The following TLK2 variants were observed in gnomAD, a reference collection of about 807,000 sequenced individuals.
The protein encoded by TLK2 is tousled like kinase 2.
A neutral mutation model predicts 117.3 loss-of-function variants in TLK2; 6 were observed. That is an observed-to-expected ratio of 0.05 (90% CI 0.03 to 0.10). The LOEUF is 0.10. TLK2 is among the 10% of genes least tolerant of loss of function. TLK2 has a pLI of 1.00. For synonymous variants in TLK2, 257 were observed against 316.7 expected (o/e 0.81, Z 2.00); for missense variants, 299 against 901.2 (o/e 0.33, Z 8.56).
chr17:62,612,098 A>T, intron 21 of TLK2: 3 of 222,688 alleles, frequency 1.3e-5, no homozygotes, highest in East Asian at 9.3e-5. Flanking sequence ...TGTTGGTCTT[A>T]GTGCTTTGGG....
At chr17:62,479,389 C>T (rs1452104530) in intron 1 of TLK2, 99 bp downstream of exon 1, 1 of 153,280 alleles carries the variant, frequency 6.5e-6, no homozygotes, top group Non-Finnish European at 1.5e-5. Context: ...CTGGGCCCAG[C>T]TCGGGGCCGG....
At chr17:62,571,344 T>C (rs1042398835) in intron 11 of TLK2, among the ~76,000 whole-genome samples, 20 of 152,178 alleles carry the variant, frequency 1.3e-4, no homozygotes, top group African/African-American at 4.8e-4. Flanking sequence ...GTAAATGCTA[T>C]GTAAATAATT....
At chr17:62,500,597 A>C (rs927088132) in intron 2 of TLK2, among the ~76,000 whole-genome samples, 6 of 152,206 alleles carry the variant, frequency 3.9e-5, no homozygotes, top group African/African-American at 7.2e-5. Flanking sequence ...AAGGTTATAG[A>C]AGATTTGGAC....
At chr17:62,609,850 C>T (rs890952193) in intron 21 of TLK2, among the ~76,000 whole-genome samples, 3 of 152,164 alleles carry the variant, frequency 2.0e-5, no homozygotes, top group African/African-American at 7.2e-5. Context: ...CAGCGCTGTG[C>T]ACCTGTAATG....
rs1228799740 is a variant in TLK2 at position 62,552,260 on chromosome 17, A to T, written c.532-42A>T. 6 of 1,527,502 alleles carry T rather than the reference A, an allele frequency of 3.9e-6. No homozygotes were observed. In the Admixed American group the frequency reaches 1.1e-4, roughly 28 times the overall value. The allele number at this position is 1,527,502 out of a possible 1,614,324, so 94.6% of individuals were successfully genotyped here. On this transcript the variant is annotated intron_variant, in intron 7 of 21. Coordinates refer to ENST00000346027, the MANE Select transcript of TLK2 (RefSeq NM_006852.6). Reference sequence around the variant, plus strand: ...TTAATACAAGTGTTTGTGGAAAAAGATGCCAAACTTTCCTGTGATTGGTAA... The same window carrying T: ...TTAATACAAGTGTTTGTGGAAAAAGTTGCCAAACTTTCCTGTGATTGGTAA...
intron 2 of TLK2, among the ~76,000 whole-genome samples, chr17:62,505,647 T>C (rs548554414): frequency 6.6e-6 from 1 of 152,178 alleles, no homozygotes; most frequent in Admixed American, 6.5e-5. Flanking sequence ...TACACTGTTT[T>C]CAAATTTTTT....
intron 2 of TLK2, among the ~76,000 whole-genome samples, chr17:62,492,575 A>C (rs1252783963): frequency 7.2e-5 from 11 of 151,854 alleles, no homozygotes; most frequent in Middle Eastern, 3.4e-3. Context: ...CTCCTGCCTC[A>C]GCTTCCCGAG....
chr17:62,577,928 TC>T (rs2080929458), intron 13 of TLK2, among the ~76,000 whole-genome samples: 1 of 152,082 alleles, frequency 6.6e-6, no homozygotes, highest in Non-Finnish European at 1.5e-5. Flanking sequence ...GTACCTGTAA[TC>T]CCAGCTACTC....
At chr17:62,609,958 G>T (rs1411665164) in intron 21 of TLK2, among the ~76,000 whole-genome samples, 3 of 152,116 alleles carry the variant, frequency 2.0e-5, no homozygotes, top group Non-Finnish European at 4.4e-5. Context: ...TGGTTGTGAG[G>T]TTTAAGAGGA....
intron 2 of TLK2, among the ~76,000 whole-genome samples, chr17:62,514,579 CTTT>C (rs779645456): frequency 8.8e-5 from 12 of 136,128 alleles, no homozygotes; most frequent in African/African-American, 1.9e-4. Flanking sequence ...TCTTAACCTT[CTTT>C]TTTTTTTTTT....
At chr17:62,507,297 A>G (rs1165953630) in intron 2 of TLK2, 1 of 152,032 alleles carries the variant, frequency 6.6e-6, no homozygotes, top group Non-Finnish European at 1.5e-5. Context: ...AAAAAGGTAA[A>G]CTTTTTTTCA....
At chr17:62,524,673 A>C (rs1217644241) in intron 6 of TLK2, among the ~76,000 whole-genome samples, 1 of 152,230 alleles carries the variant, frequency 6.6e-6, no homozygotes, top group African/African-American at 2.4e-5. Flanking sequence ...AAATTTGACC[A>C]GCTTCTGGCA....
upstream of TLK2, among the ~76,000 whole-genome samples, chr17:62,478,634 C>T (rs942226047): frequency 6.6e-6 from 1 of 150,928 alleles, no homozygotes; most frequent in Non-Finnish European, 1.5e-5. Context: ...TAACCCCTGC[C>T]CGGCAGCGCG....
chr17:62,574,273 T>G, intron 12 of TLK2: 1 of 1,528,382 alleles, frequency 6.5e-7, no homozygotes, highest in Non-Finnish European at 8.7e-7. Flanking sequence ...CCCATACATA[T>G]CTGATGTTTT....
chr17:62,610,447 TAAAAC>T (rs1054150801), intron 21 of TLK2, among the ~76,000 whole-genome samples: 14 of 152,088 alleles, frequency 9.2e-5, no homozygotes, highest in African/African-American at 3.4e-4. Context: ...AGAAAAACAA[TAAAAC>T]AAAAAGTGGA....
rs1014199785 is a variant in TLK2 at position 62,614,022 on chromosome 17, G to T, written c.*1457G>T. 1.3e-5 allele frequency: 2 copies of T among 151,736 alleles called. No homozygotes were observed. Among genetic ancestry groups the T allele is most frequent in the African/African-American group, 4.8e-5 (2 of 41,254 alleles). 9.4% of individuals were successfully genotyped at this position (151,736 alleles called of 1,614,324 possible). On this transcript the variant is annotated 3_prime_UTR_variant, in exon 22 of 22. Transcript: ENST00000346027. ...GCCTCTAGTCCCAGCTACCCGGGAG[G>T]CTGAGGCAGGAGAATTTCTGGAACC...
At chr17:62,538,906 AGAAAAGTAGGCAAAGACTGTTTTT>A (rs1437857582) in intron 7 of TLK2, among the ~76,000 whole-genome samples, 1 of 152,262 alleles carries the variant, frequency 6.6e-6, no homozygotes, top group East Asian at 1.9e-4. Context: ...GCAGATTCTT[AGAAAAGTAGGCAAAGACTGTTTTT>A]GAAAAGAAGG....
At chr17:62,475,001 G>T (rs556744786), upstream of TLK2, among the ~76,000 whole-genome samples, 1 of 152,130 alleles carries the variant, frequency 6.6e-6, no homozygotes, top group Non-Finnish European at 1.5e-5. Flanking sequence ...AGCAGAGATT[G>T]TGCCATTGCA....
intron 2 of TLK2, among the ~76,000 whole-genome samples, chr17:62,484,390 G>A (rs550651674): frequency 3.3e-5 from 5 of 151,904 alleles, no homozygotes; most frequent in African/African-American, 7.2e-5. Flanking sequence ...TCCGCTTCCT[G>A]GGTTCAAGCA....
Sources: allele counts gnomAD v4.1 joint callset (sites outside exome capture counted in the v4.1 genomes callset), GRCh38; gene constraint gnomAD v4.1.1; transcripts MANE v1.5; gene names NCBI Gene and HGNC (gene_info 2026-07-23, HGNC 2026-07-21).